ARHGAP24: variants seen among roughly 807,000 people sequenced by gnomAD.
ARHGAP24 encodes Rho GTPase activating protein 24, also known as rho GTPase-activating protein 24.
Under a neutral mutation model 76.4 loss-of-function variants are expected in ARHGAP24, and 50 were observed. That is an observed-to-expected ratio of 0.65 (90% CI 0.52 to 0.83). The LOEUF is 0.83. ARHGAP24 is among the 40% of genes least tolerant of loss of function. The probability of loss-of-function intolerance (pLI) is 0.00; values close to 1 mark genes in which losing one functional copy is unlikely to be tolerated. For synonymous variants in ARHGAP24, 345 were observed against 323.3 expected (o/e 1.07, Z -0.72); for missense variants, 930 against 914.2 (o/e 1.02, Z -0.22).
chr4:85,909,808 A>T (rs1162879088), intron 3 of ARHGAP24, among the ~76,000 whole-genome samples: 3 of 152,232 alleles, frequency 2.0e-5, no homozygotes. Context: ...TCAAAGAATT[A>T]GTTATTTGTA....
At chr4:85,566,510 C>T (rs1235038031) in intron 1 of ARHGAP24, among the ~76,000 whole-genome samples, 1 of 152,148 alleles carries the variant, frequency 6.6e-6, no homozygotes, top group Admixed American at 6.5e-5. Flanking sequence ...AAGTCAAGTT[C>T]TTAGCGTACA....
intron 5 of ARHGAP24, among the ~76,000 whole-genome samples, chr4:85,964,761 C>T (rs1181852135): frequency 6.6e-6 from 1 of 152,028 alleles, no homozygotes; most frequent in Non-Finnish European, 1.5e-5. Flanking sequence ...ACTGGGATTG[C>T]TCAAAGTAAT....
chr4:85,700,411 AT>A (rs58122617), intron 2 of ARHGAP24, among the ~76,000 whole-genome samples: 1,693 of 69,782 alleles, frequency 0.024, 57 homozygotes, highest in Middle Eastern at 0.073. Flanking sequence ...AAAAAAATAA[AT>A]AAATAAAGAA....
At chr4:85,967,416 A>G (rs1471716307) in intron 5 of ARHGAP24, among the ~76,000 whole-genome samples, 1 of 152,154 alleles carries the variant, frequency 6.6e-6, no homozygotes, top group Admixed American at 6.6e-5. Context: ...TTGATCCCAG[A>G]ATGATCAAAG....
At chr4:85,932,967 C>T (rs1011738078) in intron 4 of ARHGAP24, among the ~76,000 whole-genome samples, 38 of 152,122 alleles carry the variant, frequency 2.5e-4, no homozygotes, top group African/African-American at 9.2e-4. Context: ...AGCAGCATGA[C>T]GCACAGGAGC....
chr4:85,530,698 A>G (rs1281055626), intron 1 of ARHGAP24, among the ~76,000 whole-genome samples: 1 of 152,062 alleles, frequency 6.6e-6, no homozygotes, highest in Non-Finnish European at 1.5e-5. Flanking sequence ...ACAGTTTTCA[A>G]TATTCCTTAG....
chr4:85,749,533 A>G (rs12647014), intron 3 of ARHGAP24, among the ~76,000 whole-genome samples: 21,296 of 152,132 alleles, frequency 0.14, 1,969 homozygotes, highest in East Asian at 0.37. Flanking sequence ...TTTGAAAACT[A>G]CAACCCCCAC....
chr4:85,502,777 A>G (rs928578351), intron 1 of ARHGAP24, among the ~76,000 whole-genome samples: 3 of 152,182 alleles, frequency 2.0e-5, no homozygotes, highest in Non-Finnish European at 4.4e-5. Context: ...GTGGTGAGAG[A>G]GGGCATCCTT....
Position 85,984,973 on chromosome 4 carries a change from G to C in ARHGAP24, c.928+7282G>C, listed in dbSNP as rs183376429. ...AGTAGCTGGGTTTATAGGCACCTGC[G>C]ACCACACCCAGCTAATTTTTGTATT... On this transcript the variant is annotated intron_variant, in intron 8 of 9. Transcript: ENST00000395184. 5.5e-4 allele frequency among the ~76,000 whole-genome samples: 84 copies of C among 151,894 alleles called. 1 individual carries two copies. Among genetic ancestry groups the C allele is most frequent in the African/African-American group, 2.0e-3 (81 of 41,440 alleles).
At chr4:85,921,445 C>T (rs1430079884) in intron 3 of ARHGAP24, among the ~76,000 whole-genome samples, 1 of 151,902 alleles carries the variant, frequency 6.6e-6, no homozygotes, top group African/African-American at 2.4e-5. Context: ...AGGCTTAGTA[C>T]CTGGGTGATG....
intron 3 of ARHGAP24, among the ~76,000 whole-genome samples, chr4:85,738,685 C>T (rs904437147): frequency 1.3e-5 from 2 of 152,068 alleles, no homozygotes; most frequent in African/African-American, 4.8e-5. Flanking sequence ...TATAATTTAG[C>T]TCTTACATTT....
rs564158560 is a variant in ARHGAP24, at chr4:85,793,473, G to A, written c.268+71501G>A. Among the ~76,000 whole-genome samples the A allele has an allele frequency of 1.5e-4, 23 of 152,228 alleles. No homozygotes were observed. The East Asian group carries it at 4.2e-3, about 28-fold the overall frequency. ...GAAAAAAATGAAAACAGGGCAAGTA[G>A]AAATTTCAAACCTTATTTCCCACAG... On this transcript the variant is annotated intron_variant, in intron 3 of 9. Transcript: ENST00000395184.
In ARHGAP24 at chr4:85,904,902, G is replaced by A. The variant is rs1382484543; in HGVS notation, c.269-18746G>A. 2.0e-5 allele frequency among the ~76,000 whole-genome samples: 3 copies of A among 152,138 alleles called. No individual in the cohort carries two copies. In the East Asian group the frequency reaches 5.8e-4, roughly 29 times the overall value. ...AAGTAAATGCTTTTTGTTGGTGAGT[G>A]ATCTTTTTCATATCACAAAACCCCA... On this transcript the variant is annotated intron_variant, in intron 3 of 9. Transcript: ENST00000395184.
intron 3 of ARHGAP24, among the ~76,000 whole-genome samples, chr4:85,884,509 C>T (rs192774517): frequency 9.1e-4 from 138 of 152,158 alleles, no homozygotes; most frequent in African/African-American, 3.3e-3. Flanking sequence ...AGGTATTATG[C>T]GTGGTCACTG....
At chr4:85,764,856 G>T (rs1191992643) in intron 3 of ARHGAP24, among the ~76,000 whole-genome samples, 2 of 143,924 alleles carry the variant, frequency 1.4e-5, no homozygotes, top group Non-Finnish European at 3.0e-5. Context: ...ATTAGCATTT[G>T]CAATTCAGAA....
At chr4:85,678,893 G>A (rs1036203253) in intron 2 of ARHGAP24, among the ~76,000 whole-genome samples, 8 of 152,184 alleles carry the variant, frequency 5.3e-5, no homozygotes, top group Non-Finnish European at 1.0e-4. Flanking sequence ...GATGCATGCT[G>A]GCAATGTAGG....
At chr4:85,872,798 G>T (rs1398907533) in intron 3 of ARHGAP24, among the ~76,000 whole-genome samples, 1 of 146,932 alleles carries the variant, frequency 6.8e-6, no homozygotes, top group East Asian at 2.1e-4. Context: ...ATGGGGTCTT[G>T]CCATGTTGCC....
At chr4:85,861,980 C>A (rs1416887224) in intron 3 of ARHGAP24, among the ~76,000 whole-genome samples, 1 of 152,044 alleles carries the variant, frequency 6.6e-6, no homozygotes, top group Non-Finnish European at 1.5e-5. Flanking sequence ...CTGAATCTGG[C>A]TCTTATTTCT....
chr4:85,996,552 T>C (rs1347411460), intron 9 of ARHGAP24, among the ~76,000 whole-genome samples: 1 of 152,166 alleles, frequency 6.6e-6, no homozygotes, highest in Non-Finnish European at 1.5e-5. Context: ...TATCCATTCA[T>C]CAATTATCAG....
Sources: allele counts gnomAD v4.1 joint callset (sites outside exome capture counted in the v4.1 genomes callset), GRCh38; gene constraint gnomAD v4.1.1; transcripts MANE v1.5; gene names NCBI Gene and HGNC (gene_info 2026-07-23, HGNC 2026-07-21).